Variants in PRH1 observed in about 807,000 individuals in gnomAD.
PRH1 encodes salivary acidic proline-rich phosphoprotein 1/2.
In PRH1, 7 loss-of-function variants were observed where a neutral mutation model predicts 7.9. The observed-to-expected ratio is 0.89, with a 90% confidence interval of 0.50 to 1.67. The LOEUF is 1.67. Ranked by LOEUF, PRH1 falls within the 40% of genes most tolerant of loss-of-function variation. PRH1 has a pLI of 0.00. For missense variants in PRH1, 109 were observed against 223.6 expected (o/e 0.49, Z 3.27); for synonymous variants, 45 against 80.8 (o/e 0.56, Z 2.38).
At chr12:11,103,293 T>G (rs554989820) in intron 1 of PRH1, among the ~76,000 whole-genome samples, 1 of 152,218 alleles carries the variant, frequency 6.6e-6, no homozygotes, top group Admixed American at 6.5e-5. Flanking sequence ...CCAACCCAAA[T>G]GCCCATCAAT....
chr12:10,947,425 T>C (rs1950505376), intron 2 of PRH1, among the ~76,000 whole-genome samples: 1 of 151,736 alleles, frequency 6.6e-6, no homozygotes, highest in Non-Finnish European at 1.5e-5. Flanking sequence ...TGTTTGAAAC[T>C]TGTTTTGTCT....
chr12:11,032,203 T>C (rs928514462), intron 1 of PRH1, among the ~76,000 whole-genome samples: 4 of 152,354 alleles, frequency 2.6e-5, no homozygotes, highest in African/African-American at 9.6e-5. Context: ...TTTCCTTGTG[T>C]AACCTCTCCA....
chr12:11,021,946 A>G lies in PRH1; in HGVS notation c.-126+25074T>C, dbSNP rs149328292. On this transcript the variant is annotated intron_variant, in intron 1 of 3. Coordinates refer to the PRH1 transcript ENST00000539853. ...TTGAGATCCTTTGCTATGGAGCCGC[A>G]TCTTCTTGAGATGTTTACAAAGAGA... 2.6e-5 allele frequency: 42 copies of G among 1,613,948 alleles called. No homozygotes were observed. In the African/African-American group the frequency reaches 5.5e-4, roughly 21 times the overall value.
chr12:11,147,538 ACT>A (rs1185461000), intron 1 of PRH1, among the ~76,000 whole-genome samples: 1 of 152,162 alleles, frequency 6.6e-6, no homozygotes, highest in Admixed American at 6.5e-5. Flanking sequence ...CAATAGATAC[ACT>A]GTTTTTTGGT....
chr12:10,972,726 C>G (rs897598614), intron 2 of PRH1, among the ~76,000 whole-genome samples: 1 of 152,052 alleles, frequency 6.6e-6, no homozygotes, highest in Non-Finnish European at 1.5e-5. Flanking sequence ...GGAGTTTGGT[C>G]GTAACTAGAA....
chr12:10,906,120 A>T (rs916919981), intron 2 of PRH1, among the ~76,000 whole-genome samples: 1 of 152,224 alleles, frequency 6.6e-6, no homozygotes, highest in Non-Finnish European at 1.5e-5. Flanking sequence ...AAAAGAAAAT[A>T]AAAGAGAGAA....
chr12:10,938,542 G>A lies in PRH1; in HGVS notation c.-59+35113C>T, dbSNP rs761949340. ...TAACTCCTCTGTGGGCTTTGGTGCTGGCGTCTCCGGATATTTTGACAGTGT... is the reference window on the plus strand; with the variant it reads ...TAACTCCTCTGTGGGCTTTGGTGCTAGCGTCTCCGGATATTTTGACAGTGT... On this transcript the variant is annotated intron_variant, in intron 2 of 3. Transcript: ENST00000539853. 1.9e-6 allele frequency: 3 copies of A among 1,614,014 alleles called. No individual in the cohort carries two copies. In the Admixed American group the frequency reaches 5.0e-5, roughly 27 times the overall value.
intron 2 of PRH1, among the ~76,000 whole-genome samples, chr12:10,926,852 A>G (rs999288142): frequency 6.6e-6 from 1 of 152,208 alleles, no homozygotes; most frequent in Non-Finnish European, 1.5e-5. Context: ...CTAAAATTTC[A>G]TATGTTGAAG....
Position 11,076,039 on chromosome 12 carries a change from A to G in PRH1, n.124-28851T>C, listed in dbSNP as rs1462449953. On this transcript the variant is annotated intron_variant and non_coding_transcript_variant, in intron 1 of 4. Transcript: ENST00000541977. ...TGATAAATAAAATGTGTGTGTATAT[A>G]TATATCAGATGTGGATCTGATACAT... 7.7e-5 allele frequency among the ~76,000 whole-genome samples: 9 copies of G among 116,224 alleles called. 2 individuals carry two copies. In the Admixed American group the frequency reaches 7.8e-4, roughly 10 times the overall value. The allele number at this position is 116,224 out of a possible 152,430, so 76.2% of individuals were successfully genotyped here.
In PRH1 at chr12:11,061,902, C is replaced by T. The variant is rs903326387; in HGVS notation, n.124-14714G>A. The T allele has an allele frequency of 1.9e-6, 3 of 1,613,816 alleles. No individual in the cohort carries two copies. In the African/African-American group the frequency reaches 4.0e-5, roughly 22 times the overall value. On this transcript the variant is annotated intron_variant and non_coding_transcript_variant, in intron 1 of 4. Transcript: ENST00000541977. ...AAAATAGCAAAGGCCCCAATAGTATCACCAGAACAACACTCTTAACTCTCC... is the reference window on the plus strand; with the variant it reads ...AAAATAGCAAAGGCCCCAATAGTATTACCAGAACAACACTCTTAACTCTCC...
chr12:11,053,466 T>C (rs976920668), intron 1 of PRH1, among the ~76,000 whole-genome samples: 5 of 152,242 alleles, frequency 3.3e-5, no homozygotes, highest in Non-Finnish European at 7.3e-5. Flanking sequence ...ATTAGTTTAA[T>C]ATCATCTATA....
intron 1 of PRH1, among the ~76,000 whole-genome samples, chr12:11,056,889 C>T (rs914934291): frequency 2.0e-5 from 3 of 152,210 alleles, no homozygotes; most frequent in South Asian, 4.1e-4. Flanking sequence ...AGTTAACATA[C>T]TATTTGTATA....
intron 2 of PRH1, among the ~76,000 whole-genome samples, chr12:10,969,239 A>G (rs1450870831): frequency 6.6e-6 from 1 of 152,080 alleles, no homozygotes; most frequent in East Asian, 1.9e-4. Flanking sequence ...CTTCTCTCCA[A>G]CGTCCCACCA....
chr12:11,150,621 G>A lies in PRH1; in HGVS notation n.39+20801C>T, dbSNP rs550064554. On this transcript the variant is annotated intron_variant and non_coding_transcript_variant, in intron 1 of 1. Coordinates refer to the PRH1 transcript ENST00000541175. ...CACTCATAGGTGGGAATTGAACAAT[G>A]AGAACACATGGACACAGGAAGGGGA... Among the ~76,000 whole-genome samples the A allele has an allele frequency of 4.6e-3, 699 of 152,124 alleles. 3 individuals are homozygous for A. The highest frequency in any genetic ancestry group is 7.4e-3 in the Non-Finnish European group (504 of 67,982).
At chr12:10,892,272 C>T (rs547399220) in intron 2 of PRH1, among the ~76,000 whole-genome samples, 1 of 152,320 alleles carries the variant, frequency 6.6e-6, no homozygotes, top group South Asian at 2.1e-4. Context: ...CATCCATTCC[C>T]AAGATCAAGG....
Position 11,075,439 on chromosome 12 carries a change from G to C in PRH1, n.124-28251C>G, listed in dbSNP as rs1366788649. Among the ~76,000 whole-genome samples the C allele has an allele frequency of 4.9e-4, 54 of 109,608 alleles. 14 individuals carry two copies. The highest frequency in any genetic ancestry group is 1.0e-3 in the South Asian group (4 of 3,994). 71.9% of individuals were successfully genotyped at this position (109,608 alleles called of 152,430 possible). A position where few individuals can be genotyped will look rare whatever the true frequency, so the allele number is the denominator to read the frequency against. The stretch of plus-strand genomic sequence containing the variant: ...TCTTTTGTATCAGCAAAGCATTGAA[G>C]GCAGCATAAGTCATACTGAGGGAGA... On this transcript the variant is annotated intron_variant and non_coding_transcript_variant, in intron 1 of 4. Transcript: ENST00000541977.
At chr12:10,900,884 T>C (rs1487856264) in intron 2 of PRH1, among the ~76,000 whole-genome samples, 1 of 152,056 alleles carries the variant, frequency 6.6e-6, no homozygotes, top group East Asian at 1.9e-4. Flanking sequence ...CTAGCAAGGT[T>C]CAGCACCCTG....
intron 2 of PRH1, among the ~76,000 whole-genome samples, chr12:10,903,495 G>A (rs971304687): frequency 8.0e-5 from 12 of 150,138 alleles, no homozygotes; most frequent in African/African-American, 2.0e-4. Context: ...TTGAAAAAAC[G>A]CTCAAATAAT....
chr12:10,897,178 T>A (rs1239059050), intron 2 of PRH1, among the ~76,000 whole-genome samples: 1 of 152,160 alleles, frequency 6.6e-6, no homozygotes, highest in African/African-American at 2.4e-5. Flanking sequence ...TAGCCACATG[T>A]CACACGTGGC....
Sources: allele counts gnomAD v4.1 joint callset (sites outside exome capture counted in the v4.1 genomes callset), GRCh38; gene constraint gnomAD v4.1.1; transcripts MANE v1.5; gene names NCBI Gene and HGNC (gene_info 2026-07-23, HGNC 2026-07-21).